Variants in TBC1D5 observed in about 807,000 individuals in gnomAD.
TBC1D5 encodes TBC1 domain family, member 5.
A neutral mutation model predicts 100.3 loss-of-function variants in TBC1D5; 75 were observed. The ratio of observed to expected loss-of-function variants is 0.75; its 90% CI spans 0.62 to 0.91. TBC1D5 has a LOEUF of 0.91. Ranked by LOEUF, TBC1D5 falls within the 40% of genes least tolerant of loss-of-function variation. The pLI is 0.00. For synonymous variants in TBC1D5, 323 were observed against 325.6 expected (o/e 0.99, Z 0.09); for missense variants, 910 against 942.4 (o/e 0.97, Z 0.45).
intron 2 of TBC1D5, among the ~76,000 whole-genome samples, chr3:17,561,058 T>C (rs1035458498): frequency 6.6e-6 from 1 of 152,164 alleles, no homozygotes; most frequent in Admixed American, 6.5e-5. Context: ...AAGTTACTTT[T>C]GGAGGGAAAA....
chr3:17,737,269 TAAG>T (rs1008021783), intron 1 of TBC1D5, among the ~76,000 whole-genome samples: 1 of 152,202 alleles, frequency 6.6e-6, no homozygotes, highest in Non-Finnish European at 1.5e-5. Context: ...AGTGGGAATC[TAAG>T]TACTTTTGGT....
chr3:17,234,052 T>C (rs1322701134), intron 17 of TBC1D5, among the ~76,000 whole-genome samples: 2 of 152,146 alleles, frequency 1.3e-5, no homozygotes, highest in Non-Finnish European at 2.9e-5. Flanking sequence ...ATGCTACAAA[T>C]ATTAGTGTGA....
chr3:17,507,099 T>C (rs1367000884), intron 3 of TBC1D5, among the ~76,000 whole-genome samples: 1 of 152,210 alleles, frequency 6.6e-6, no homozygotes, highest in Non-Finnish European at 1.5e-5. Context: ...AATATTTTGG[T>C]GAAACTATTT....
Position 17,526,032 on chromosome 3 carries a change from A to T in TBC1D5, c.-35-17427T>A, listed in dbSNP as rs553780016. Among the ~76,000 whole-genome samples, 24 of 152,258 alleles carry T rather than the reference A, an allele frequency of 1.6e-4. No homozygotes were observed. In the South Asian group the frequency reaches 3.3e-3, roughly 21 times the overall value. The stretch of plus-strand genomic sequence containing the variant: ...TTTTAGAATGTTAAATTCAGAAATT[A>T]AGTCATATTTCTGCTTGTAATGGGG... On this transcript the variant is annotated intron_variant, in intron 2 of 21. Coordinates refer to ENST00000253692, the Ensembl canonical transcript of TBC1D5.
intron 18 of TBC1D5, among the ~76,000 whole-genome samples, chr3:17,187,501 C>T (rs1056430833): frequency 1.3e-5 from 2 of 152,104 alleles, no homozygotes; most frequent in East Asian, 3.9e-4. Flanking sequence ...AGTAAGTGAC[C>T]CAGTCAATAC....
chr3:17,171,593 C>T (rs562502036), intron 19 of TBC1D5, among the ~76,000 whole-genome samples: 1 of 152,248 alleles, frequency 6.6e-6, no homozygotes, highest in Admixed American at 6.5e-5. Context: ...TCCATTATCA[C>T]ACGGCATTCT....
At chr3:17,197,651 C>T (rs1052894423) in intron 18 of TBC1D5, among the ~76,000 whole-genome samples, 16 of 152,188 alleles carry the variant, frequency 1.1e-4, no homozygotes, top group African/African-American at 3.6e-4. Context: ...GGATTACAGG[C>T]ATGAGTTACT....
chr3:17,395,117 T>C (rs73040823), intron 8 of TBC1D5, among the ~76,000 whole-genome samples: 11,610 of 151,966 alleles, frequency 0.076, 617 homozygotes, highest in Non-Finnish European at 0.12. Context: ...GATGACAGGA[T>C]ATAAGGTTGG....
intron 5 of TBC1D5, among the ~76,000 whole-genome samples, 198 bp downstream of exon 5, chr3:17,406,220 G>A (rs564505103): frequency 2.6e-5 from 4 of 152,086 alleles, no homozygotes; most frequent in South Asian, 4.1e-4. Context: ...CTCTTTTACC[G>A]TTATCACTTA....
intron 4 of TBC1D5, among the ~76,000 whole-genome samples, chr3:17,419,989 CT>C (rs2094170335): frequency 6.6e-6 from 1 of 152,160 alleles, no homozygotes; most frequent in Non-Finnish European, 1.5e-5. Flanking sequence ...TGCACCTGGC[CT>C]TCCCCTAGTT....
chr3:17,557,837 G>A (rs1356511277), intron 2 of TBC1D5, among the ~76,000 whole-genome samples: 1 of 151,960 alleles, frequency 6.6e-6, no homozygotes. Context: ...AAAACAACCA[G>A]GATACAGACA....
intron 18 of TBC1D5, among the ~76,000 whole-genome samples, chr3:17,191,318 G>T (rs2069862166): frequency 6.6e-6 from 1 of 152,112 alleles, no homozygotes. Flanking sequence ...GCTTGTTGGA[G>T]GACTGGATTT....
At chr3:17,360,286 T>C (rs2091582492) in intron 13 of TBC1D5, among the ~76,000 whole-genome samples, 1 of 152,032 alleles carries the variant, frequency 6.6e-6, no homozygotes, top group Non-Finnish European at 1.5e-5. Flanking sequence ...TTTTCCTGTA[T>C]ACTTATGTTC....
chr3:17,562,273 A>G (rs1273761498), intron 2 of TBC1D5: 1 of 152,118 alleles, frequency 6.6e-6, no homozygotes, highest in African/African-American at 2.4e-5. Context: ...GCAAAACATA[A>G]ATGGATTTTG....
chr3:17,428,234 T>C (rs1235937831), intron 4 of TBC1D5, among the ~76,000 whole-genome samples: 1 of 151,732 alleles, frequency 6.6e-6, no homozygotes, highest in African/African-American at 2.4e-5. Flanking sequence ...CTCAAAAATT[T>C]AGAATATTAT....
intron 17 of TBC1D5, among the ~76,000 whole-genome samples, chr3:17,231,493 A>ATTAAAAAAAGAC (rs951503709): frequency 5.9e-5 from 9 of 152,306 alleles, no homozygotes; most frequent in Middle Eastern, 3.4e-3. Context: ...ATAAAATTTC[A>ATTAAAAAAAGAC]TTAAAAAAAG....
At chr3:17,488,378 T>C (rs1174658810) in intron 3 of TBC1D5, among the ~76,000 whole-genome samples, 5 of 152,216 alleles carry the variant, frequency 3.3e-5, no homozygotes, top group Admixed American at 1.3e-4. Flanking sequence ...CCATTATCTG[T>C]TGAAGGATAT....
At chr3:17,161,422 G>A (rs753074659) in intron 21 of TBC1D5, among the ~76,000 whole-genome samples, 166 bp from the exon 23 acceptor site, 17 of 152,242 alleles carry the variant, frequency 1.1e-4, no homozygotes, top group Non-Finnish European at 2.4e-4. Flanking sequence ...AAGCCCACAC[G>A]TTTACCAGTG....
chr3:17,295,254 T>C (rs1375819), intron 14 of TBC1D5, among the ~76,000 whole-genome samples: 13,818 of 152,226 alleles, frequency 0.091, 660 homozygotes, highest in African/African-American at 0.11. Flanking sequence ...TAGTCACTTA[T>C]AATATGGTGA....
Sources: allele counts gnomAD v4.1 joint callset (sites outside exome capture counted in the v4.1 genomes callset), GRCh38; gene constraint gnomAD v4.1.1; transcripts MANE v1.5; gene names NCBI Gene and HGNC (gene_info 2026-07-23, HGNC 2026-07-21).